The following MLPH variants were observed in gnomAD, a reference collection of about 807,000 sequenced individuals.
MLPH encodes the protein melanophilin.
Under a neutral mutation model 72.1 loss-of-function variants are expected in MLPH, and 51 were observed. That is an observed-to-expected ratio of 0.71 (90% CI 0.56 to 0.89). The LOEUF (loss-of-function observed/expected upper bound fraction) is 0.89. MLPH is among the 40% of genes least tolerant of loss of function. MLPH has a pLI of 0.00. For missense variants in MLPH, 743 were observed against 759.9 expected (o/e 0.98, Z 0.26); for synonymous variants, 301 against 310.1 (o/e 0.97, Z 0.31).
chr2:237,537,522 C>T (rs1315112667), intron 9 of MLPH: 1 of 152,210 alleles, frequency 6.6e-6, no homozygotes, highest in East Asian at 1.9e-4. Flanking sequence ...CCCGATCTTT[C>T]CACCGAGGGC....
chr2:237,541,956 C>T lies in MLPH; in HGVS notation c.1447-611C>T, dbSNP rs564302774. On this transcript the variant is annotated intron_variant, in intron 11 of 15. Coordinates refer to ENST00000264605, the MANE Select transcript of MLPH (RefSeq NM_024101.7). This position sits in a 1 kb window ranked among gnomAD's most constrained non-coding sequence, Gnocchi z 5.1. ...AGGAGGCCGGGTGGAGGGAGCAGCC[C>T]GTGCCAAGGCCCTGGGGTGGCAGTG... Among the ~76,000 whole-genome samples the T allele has an allele frequency of 3.5e-3, 532 of 152,316 alleles. 4 individuals are homozygous for T. The highest frequency in any genetic ancestry group is 0.012 in the African/African-American group (515 of 41,566).
intron 2 of MLPH, among the ~76,000 whole-genome samples, chr2:237,495,021 G>C (rs369663085): frequency 1.3e-5 from 2 of 152,116 alleles, no homozygotes; most frequent in East Asian, 3.9e-4. Context: ...CCCATCTCTC[G>C]GCCTTTTCCA....
intron 4 of MLPH, among the ~76,000 whole-genome samples, chr2:237,515,008 G>A (rs549521929): frequency 4.6e-5 from 7 of 152,304 alleles, no homozygotes; most frequent in Non-Finnish European, 8.8e-5. Flanking sequence ...AAAGTCCGTC[G>A]TTCAGATTTC....
chr2:237,538,215 C>T (rs2080580643), intron 9 of MLPH, among the ~76,000 whole-genome samples: 1 of 152,228 alleles, frequency 6.6e-6, no homozygotes, highest in Non-Finnish European at 1.5e-5. Flanking sequence ...TGCTGGAACA[C>T]CAAGCTTTCC....
chr2:237,553,297 CT>C (rs2081074142), intron 15 of MLPH: 1 of 583,102 alleles, frequency 1.7e-6, no homozygotes, highest in Non-Finnish European at 3.1e-6. Context: ...GCTGCTGAAC[CT>C]TTTGTTCCTC....
intron 14 of MLPH, among the ~76,000 whole-genome samples, chr2:237,551,386 G>T (rs773313387): frequency 1.3e-5 from 2 of 152,264 alleles, no homozygotes; most frequent in East Asian, 3.8e-4. Context: ...GTTCTGTGGC[G>T]TAAATGCTCC....
At chr2:237,515,005 G>A (rs1267013972) in intron 4 of MLPH, among the ~76,000 whole-genome samples, 1 of 152,206 alleles carries the variant, frequency 6.6e-6, no homozygotes, top group Admixed American at 6.5e-5. Context: ...TATAAAGTCC[G>A]TCGTTCAGAT....
At chr2:237,488,356 G>A (rs2079361734) in intron 1 of MLPH, among the ~76,000 whole-genome samples, 1 of 152,112 alleles carries the variant, frequency 6.6e-6, no homozygotes. Flanking sequence ...GGGTTCAGCT[G>A]TCCTGCATCT....
chr2:237,511,415 T>G (rs1393226458), intron 4 of MLPH: 1 of 366,874 alleles, frequency 2.7e-6, no homozygotes, highest in African/African-American at 2.1e-5. Flanking sequence ...CCCTGTGAAA[T>G]TGGCTCCTTT....
At chr2:237,504,090 G>T (rs1240062423) in intron 2 of MLPH, among the ~76,000 whole-genome samples, 2 of 152,214 alleles carry the variant, frequency 1.3e-5, no homozygotes, top group Admixed American at 6.5e-5. Context: ...TTCCCCTCTG[G>T]GGGCTCCAGG....
intron 4 of MLPH, 129 bp downstream of exon 4, chr2:237,511,230 A>G: frequency 1.3e-6 from 1 of 745,174 alleles, no homozygotes; most frequent in Non-Finnish European, 2.4e-6. Context: ...ATGTGTGTGC[A>G]TGCACATGCC....
upstream of MLPH, among the ~76,000 whole-genome samples, chr2:237,487,011 G>A (rs2079329012): frequency 6.6e-6 from 1 of 152,136 alleles, no homozygotes; most frequent in African/African-American, 2.4e-5. Flanking sequence ...CGCAACTCAC[G>A]GGAATCGCAG....
intron 1 of MLPH, among the ~76,000 whole-genome samples, chr2:237,488,174 G>A (rs1304875071): frequency 2.0e-5 from 3 of 152,128 alleles, no homozygotes; most frequent in African/African-American, 7.2e-5. Flanking sequence ...TTTTTTAGAT[G>A]GTGTGACTGG....
chr2:237,501,673 AAAAAAAAAAAAAAAAATAC>A (rs2079652024), intron 2 of MLPH, among the ~76,000 whole-genome samples: 2 of 130,270 alleles, frequency 1.5e-5, no homozygotes, highest in African/African-American at 7.9e-5. Flanking sequence ...CTAAAAAAAA[AAAAAAAAAAAAAAAAATAC>A]AAAAAAATTA....
intron 2 of MLPH, among the ~76,000 whole-genome samples, chr2:237,509,276 G>C (rs1459512995): frequency 6.6e-6 from 1 of 152,146 alleles, no homozygotes; most frequent in Non-Finnish European, 1.5e-5. Context: ...GACACTTCTG[G>C]GCTCTTATTT....
chr2:237,543,041 T>TG (rs1230287207), intron 12 of MLPH, among the ~76,000 whole-genome samples: 1 of 20,414 alleles, frequency 4.9e-5, no homozygotes, highest in Non-Finnish European at 8.8e-5. Flanking sequence ...CAGTAGTGAG[T>TG]GGGGGGACAG....
chr2:237,530,215 A>G (rs956641850), intron 8 of MLPH, among the ~76,000 whole-genome samples: 22 of 142,700 alleles, frequency 1.5e-4, no homozygotes, highest in Admixed American at 1.5e-3. Flanking sequence ...CGAGTGGGCA[A>G]CAGGAAGTAT....
intron 13 of MLPH, among the ~76,000 whole-genome samples, chr2:237,548,529 C>A (rs2080965249): frequency 1.3e-5 from 2 of 152,170 alleles, no homozygotes; most frequent in African/African-American, 4.8e-5. Flanking sequence ...GTAAAGAGAG[C>A]TACAGGCCCA....
rs2080667115 is a variant in MLPH, at chr2:237,540,964, C to A, written c.1446+7C>A. On this transcript the variant is annotated splice_region_variant and intron_variant, in intron 11 of 15. Transcript: ENST00000264605. ...CCAGCAGGCAGAGAGCGAGGTAGCC[C>A]AGAAGGCACAGGGGAGCACTGAGTT... 3.1e-6 allele frequency: 5 copies of A among 1,597,510 alleles called. No homozygotes were observed. In the South Asian group the frequency reaches 5.6e-5, roughly 18 times the overall value.
Sources: gnomAD v4.1 joint callset for allele counts (sites outside exome capture counted in the v4.1 genomes callset) on GRCh38, gnomAD v4.1.1 for gene constraint, Gnocchi (gnomAD v3.1) non-coding constraint, MANE v1.5 for transcripts, NCBI Gene and HGNC (gene_info 2026-07-23, HGNC 2026-07-21) for gene names.